Variants in FGD4 observed in about 807,000 individuals in gnomAD.
FGD4 encodes the protein FYVE, RhoGEF and PH domain-containing protein 4.
In FGD4, 42 loss-of-function variants were observed where a neutral mutation model predicts 102.0. The ratio of observed to expected loss-of-function variants is 0.41; its 90% CI spans 0.32 to 0.53. FGD4 has a LOEUF of 0.53. Ranked by LOEUF, FGD4 falls within the 20% of genes least tolerant of loss-of-function variation. The pLI, the probability that FGD4 is intolerant of heterozygous loss-of-function variation, is 0.21. For missense variants in FGD4, 902 were observed against 1,078.2 expected (o/e 0.84, Z 2.29); for synonymous variants, 380 against 375.7 (o/e 1.01, Z -0.13).
intron 2 of FGD4, among the ~76,000 whole-genome samples, chr12:32,566,759 A>G (rs750398448): frequency 1.7e-4 from 26 of 152,154 alleles, no homozygotes; most frequent in Non-Finnish European, 3.5e-4. Flanking sequence ...CAGAGAAGAG[A>G]AGGGGGTGTT....
intron 1 of FGD4, among the ~76,000 whole-genome samples, chr12:32,562,890 G>A (rs903630082): frequency 6.6e-6 from 1 of 150,774 alleles, no homozygotes; most frequent in East Asian, 1.9e-4. Context: ...CCACAAAACC[G>A]CCATTGTCAT....
At chr12:32,634,903 G>A (rs1372249046) in intron 15 of FGD4, among the ~76,000 whole-genome samples, 2 of 151,998 alleles carry the variant, frequency 1.3e-5, no homozygotes, top group East Asian at 1.9e-4. Flanking sequence ...CAGGAGAATC[G>A]CTTGAACCCG....
intron 1 of FGD4, among the ~76,000 whole-genome samples, chr12:32,556,049 C>T (rs1319582853): frequency 2.6e-5 from 4 of 151,968 alleles, no homozygotes; most frequent in Admixed American, 6.5e-5. Flanking sequence ...GCTGTGTTGC[C>T]GAAGCTAGTC....
At chr12:32,636,125 A>C (rs552864931) in intron 15 of FGD4, among the ~76,000 whole-genome samples, 1 of 152,258 alleles carries the variant, frequency 6.6e-6, no homozygotes, top group East Asian at 1.9e-4. Flanking sequence ...GTTCCCTATC[A>C]TCAAATTAAT....
chr12:32,639,416 G>A (rs772716251), intron 16 of FGD4, among the ~76,000 whole-genome samples: 8 of 152,084 alleles, frequency 5.3e-5, no homozygotes, highest in African/African-American at 1.9e-4. Context: ...CGCCCACCTC[G>A]GCCTCCCAAA....
chr12:32,602,168 ACTC>A lies in FGD4; in HGVS notation c.1258_1260del (p.Pro420del), dbSNP rs745353078. 6.2e-7 allele frequency: 1 copy of A among 1,613,826 alleles called. No homozygotes were observed. The highest frequency in any genetic ancestry group is 8.5e-7 in the Non-Finnish European group (1 of 1,179,984). ...TTTCTATATTTGATACAGGGAAACTACTCCTAGAATTGGAGACATCCTTCAGAA... is the reference window on the plus strand; with the variant it reads ...TTTCTATATTTGATACAGGGAAACTACTAGAATTGGAGACATCCTTCAGAA... On this transcript the variant is annotated inframe_deletion, in exon 7 of 17. Transcript: ENST00000534526.
chr12:32,473,938 C>G (rs1943512060), intron 1 of FGD4, among the ~76,000 whole-genome samples: 2 of 151,828 alleles, frequency 1.3e-5, no homozygotes, highest in Non-Finnish European at 2.9e-5. Context: ...AATACAAAAA[C>G]TTAGCCGAGC....
At chr12:32,516,853 A>G (rs1565793001) in intron 1 of FGD4, among the ~76,000 whole-genome samples, 1 of 152,208 alleles carries the variant, frequency 6.6e-6, no homozygotes. Flanking sequence ...AATGAGGAAA[A>G]GAATGGGAAA....
chr12:32,592,059 G>A (rs967995170), intron 4 of FGD4, among the ~76,000 whole-genome samples: 1 of 152,012 alleles, frequency 6.6e-6, no homozygotes, highest in African/African-American at 2.4e-5. Flanking sequence ...GTATGTATTT[G>A]TAAGGTAAAA....
chr12:32,539,252 T>C (rs1565818166), intron 1 of FGD4, among the ~76,000 whole-genome samples: 1 of 152,074 alleles, frequency 6.6e-6, no homozygotes, highest in Non-Finnish European at 1.5e-5. Flanking sequence ...TAGTAGTTCC[T>C]GTAAGGCTTG....
chr12:32,533,761 A>G (rs181109928), intron 1 of FGD4, among the ~76,000 whole-genome samples: 1 of 152,372 alleles, frequency 6.6e-6, no homozygotes, highest in East Asian at 1.9e-4. Flanking sequence ...AGGCCATGAG[A>G]AATTACTAAT....
chr12:32,561,480 T>A (rs570267763), intron 1 of FGD4, among the ~76,000 whole-genome samples: 60 of 152,342 alleles, frequency 3.9e-4, no homozygotes, highest in African/African-American at 1.3e-3. Flanking sequence ...TTGGGTTTTT[T>A]AAAAATAGCT....
rs563512324 is a variant in FGD4, at chr12:32,497,950, T to G, written c.167-66187T>G. Among the ~76,000 whole-genome samples the G allele has an allele frequency of 5.9e-5, 9 of 152,350 alleles. No homozygotes were observed. In the South Asian group the frequency reaches 6.2e-4, roughly 11 times the overall value. On this transcript the variant is annotated intron_variant, in intron 1 of 16. Coordinates refer to ENST00000534526, the MANE Select transcript of FGD4 (RefSeq NM_001370298.3). ...CTCAGTGAGACTCTCCTCTAACGTTTATTCTCATAATTTTAGAGCTGAAGA... is the reference window on the plus strand; with the variant it reads ...CTCAGTGAGACTCTCCTCTAACGTTGATTCTCATAATTTTAGAGCTGAAGA...
At chr12:32,432,379 G>A (rs1455552973) in intron 1 of FGD4, among the ~76,000 whole-genome samples, 2 of 151,494 alleles carry the variant, frequency 1.3e-5, no homozygotes, top group African/African-American at 2.4e-5. Context: ...ATTTTGGGAC[G>A]CCGAGGCGGG....
At chr12:32,638,580 C>A in intron 15 of FGD4, 75 bp from the exon 16 acceptor site, 1 of 1,570,878 alleles carries the variant, frequency 6.4e-7, no homozygotes, top group Non-Finnish European at 8.7e-7. Context: ...TTTGTATAAA[C>A]ACATTGTACT....
At chr12:32,637,940 C>T (rs1950941586) in intron 15 of FGD4, 2 of 152,622 alleles carry the variant, frequency 1.3e-5, no homozygotes, top group South Asian at 2.1e-4. Context: ...CCATATCACT[C>T]TACAAAAATT....
intron 4 of FGD4, among the ~76,000 whole-genome samples, chr12:32,589,159 C>T (rs1947277047): frequency 6.6e-6 from 1 of 152,184 alleles, no homozygotes; most frequent in Admixed American, 6.5e-5. Flanking sequence ...AGAACAGTGC[C>T]TTGGCATATA....
intron 4 of FGD4, 73 bp downstream of exon 4, chr12:32,582,540 A>T (rs767071555): frequency 6.3e-7 from 1 of 1,575,892 alleles, no homozygotes. Flanking sequence ...CTCTTTATTT[A>T]TTGCACCCCT....
At chr12:32,537,494 C>T (rs562982043) in intron 1 of FGD4, among the ~76,000 whole-genome samples, 25 of 152,288 alleles carry the variant, frequency 1.6e-4, no homozygotes, top group African/African-American at 5.1e-4. Context: ...CTTCTCTGCT[C>T]GCAGTCCTTC....
Sources: gnomAD v4.1 joint callset for allele counts (sites outside exome capture counted in the v4.1 genomes callset) on GRCh38, gnomAD v4.1.1 for gene constraint, MANE v1.5 for transcripts, NCBI Gene and HGNC (gene_info 2026-07-23, HGNC 2026-07-21) for gene names.